PHACTR2: variants seen among roughly 807,000 people sequenced by gnomAD.
PHACTR2 encodes the protein phosphatase and actin regulator 2, also known as chromosome 6 open reading frame 56.
A neutral mutation model predicts 76.0 loss-of-function variants in PHACTR2; 30 were observed. The ratio of observed to expected loss-of-function variants is 0.39; its 90% confidence interval spans 0.30 to 0.54. PHACTR2 has a LOEUF of 0.54. PHACTR2 is among the 20% of genes least tolerant of loss of function. The pLI is 0.61. For missense variants in PHACTR2, 696 were observed against 781.1 expected (o/e 0.89, Z 1.30); for synonymous variants, 292 against 292.5 (o/e 1.00, Z 0.02).
intron 1 of PHACTR2, among the ~76,000 whole-genome samples, chr6:143,565,806 A>G (rs1292449631): frequency 1.3e-5 from 2 of 152,026 alleles, no homozygotes; most frequent in Admixed American, 6.6e-5. Context: ...ATCTGGGCCT[A>G]TGGTTGCTGC....
chr6:143,674,142 C>T (rs141522188), upstream of PHACTR2, among the ~76,000 whole-genome samples: 1 of 152,074 alleles, frequency 6.6e-6, no homozygotes, highest in Non-Finnish European at 1.5e-5. This position sits in a 1 kb window ranked among gnomAD's most constrained non-coding sequence, Gnocchi z 4.9. Context: ...GCAACTTTAC[C>T]ATAGAGTAAC....
chr6:143,567,003 G>A (rs566554651), intron 1 of PHACTR2, among the ~76,000 whole-genome samples: 13 of 152,158 alleles, frequency 8.5e-5, no homozygotes, highest in South Asian at 6.2e-4. Flanking sequence ...CTTTTGAAGC[G>A]TCTCTGTAGA....
chr6:143,741,391 G>A (rs986170297), intron 2 of PHACTR2, among the ~76,000 whole-genome samples: 3 of 152,196 alleles, frequency 2.0e-5, no homozygotes, highest in African/African-American at 7.2e-5. Flanking sequence ...TACTCAGTAG[G>A]CTGAGGCAGG....
upstream of PHACTR2, among the ~76,000 whole-genome samples, chr6:143,603,990 C>A (rs1209200203): frequency 1.3e-5 from 2 of 151,306 alleles, no homozygotes; most frequent in South Asian, 2.1e-4. Flanking sequence ...CCCCAGCTAT[C>A]CAGGAACTGA....
In PHACTR2 at chr6:143,754,118, G is replaced by T; in HGVS notation, c.454+206G>T. On this transcript the variant is annotated intron_variant, in intron 4 of 12. Transcript: ENST00000440869. This position sits in a 1 kb window ranked among gnomAD's most constrained non-coding sequence, Gnocchi z 6.2. ...CATCCATTTTATAAGCACAGTATTT[G>T]TTTTTTCAATTATTAAAAATGTTAA... 1 of 352,842 alleles carries T rather than the reference G, an allele frequency of 2.8e-6. No homozygotes were observed. The highest frequency in any genetic ancestry group is 4.4e-5 in the Admixed American group (1 of 22,554). 21.9% of individuals were successfully genotyped at this position (352,842 alleles called of 1,614,324 possible).
intron 11 of PHACTR2, among the ~76,000 whole-genome samples, chr6:143,804,249 T>C (rs1313030804): frequency 6.6e-6 from 1 of 152,208 alleles, no homozygotes; most frequent in Admixed American, 6.5e-5. Flanking sequence ...TTGGCCTCTC[T>C]CTCTCTATCT....
chr6:143,757,763 A>G lies in PHACTR2; in HGVS notation c.455-2638A>G, dbSNP rs183003464. Among the ~76,000 whole-genome samples the G allele has an allele frequency of 2.0e-5, 3 of 152,258 alleles. No homozygotes were observed. Among genetic ancestry groups the G allele is most frequent in the South Asian group, 4.1e-4 (2 of 4,822 alleles). ...CATAATTCATTACCTCCCAGCTCCA[A>G]CTAAAGCTCTGTTTTCTACTGATGT... is the stretch of plus-strand genomic sequence containing the variant. On this transcript the variant is annotated intron_variant, in intron 4 of 12. Transcript: ENST00000440869. The surrounding 1 kb of genome is among the most constrained non-coding windows in gnomAD (Gnocchi z 4.2).
chr6:143,779,556 G>T (rs762980766), intron 9 of PHACTR2, among the ~76,000 whole-genome samples: 1 of 151,970 alleles, frequency 6.6e-6, no homozygotes, highest in Non-Finnish European at 1.5e-5. Context: ...TGCTATGTTG[G>T]CCAGGCTGGT....
In PHACTR2 at chr6:143,795,986, GA is replaced by G. The variant is rs1775812209; in HGVS notation, c.1845+7077del. On this transcript the variant is annotated intron_variant, in intron 11 of 12. Transcript: ENST00000440869. This position sits in a 1 kb window ranked among gnomAD's most constrained non-coding sequence, Gnocchi z 4.8. ...AAGAGAGTGTAGAATTTTTTCAGATGAGATGTGCTTTTGTCCAACAGGTCAC... is the reference window on the plus strand; with the variant it reads ...AAGAGAGTGTAGAATTTTTTCAGATGGATGTGCTTTTGTCCAACAGGTCAC... Among the ~76,000 whole-genome samples, 1 of 152,110 alleles carries G rather than the reference GA, an allele frequency of 6.6e-6. No individual in the cohort carries two copies. Among genetic ancestry groups the G allele is most frequent in the Non-Finnish European group, 1.5e-5 (1 of 68,014 alleles).
At position 143,659,443 on chromosome 6, in the gene PHACTR2, G is replaced by A. The variant is rs146024002; in HGVS notation, c.13+51121G>A. Among the ~76,000 whole-genome samples the A allele has an allele frequency of 1.6e-4, 24 of 152,312 alleles. No individual in the cohort carries two copies. Among genetic ancestry groups the A allele is most frequent in the African/African-American group, 4.3e-4 (18 of 41,576 alleles). Reference sequence around the variant, plus strand: ...GTCGTCTCATCCAAGGCTTGACTGAGGAAGGATACACCTGGAAGTGCATGT... The same window carrying A: ...GTCGTCTCATCCAAGGCTTGACTGAAGAAGGATACACCTGGAAGTGCATGT... On this transcript the variant is annotated intron_variant, in intron 1 of 11. Coordinates refer to the PHACTR2 transcript ENST00000305766. The surrounding 1 kb of genome is among the most constrained non-coding windows in gnomAD (Gnocchi z 5.0).
rs902246673 is a variant in PHACTR2 at position 143,595,282 on chromosome 6, A to C, written c.217+58075A>C. 1.3e-5 allele frequency among the ~76,000 whole-genome samples: 2 copies of C among 152,376 alleles called. No individual in the cohort carries two copies. Among genetic ancestry groups the C allele is most frequent in the African/African-American group, 4.8e-5 (2 of 41,588 alleles). The stretch of plus-strand genomic sequence containing the variant: ...TAAAGGCTAATTAGGTAAAGGGAGA[A>C]GTGTACATGACAGGTTTCTGATTTT... On this transcript the variant is annotated intron_variant, in intron 1 of 11. Coordinates refer to the PHACTR2 transcript ENST00000367584. The surrounding 1 kb of genome is among the most constrained non-coding windows in gnomAD (Gnocchi z 4.2).
intron 12 of PHACTR2, chr6:143,810,638 T>C: frequency 2.4e-6 from 1 of 425,228 alleles, no homozygotes; most frequent in Non-Finnish European, 4.7e-6. Context: ...TCTACCAGCC[T>C]GGTCAACATA....
rs910376301 is a variant in PHACTR2 at position 143,624,827 on chromosome 6, T to A, written c.13+16505T>A. 2.0e-5 allele frequency among the ~76,000 whole-genome samples: 3 copies of A among 151,916 alleles called. No individual in the cohort carries two copies. Among genetic ancestry groups the A allele is most frequent in the Non-Finnish European group, 2.9e-5 (2 of 68,002 alleles). The stretch of plus-strand genomic sequence containing the variant: ...TACAAGCTGAGTACAGTGTCAGATA[T>A]CAGAGATGGAGACCACAGCAAAGAG... On this transcript the variant is annotated intron_variant, in intron 1 of 11. Transcript: ENST00000305766. The surrounding 1 kb of genome is among the most constrained non-coding windows in gnomAD (Gnocchi z 4.6).
chr6:143,737,240 A>T (rs1228253508), intron 2 of PHACTR2, among the ~76,000 whole-genome samples: 1 of 151,328 alleles, frequency 6.6e-6, no homozygotes, highest in East Asian at 1.9e-4. Context: ...AATTATATAT[A>T]TTATATATAT....
intron 1 of PHACTR2, among the ~76,000 whole-genome samples, chr6:143,584,980 TAAA>T (rs34747367): frequency 0.015 from 2,101 of 138,482 alleles, 62 homozygotes; most frequent in African/African-American, 0.052. Context: ...CTACCCAGAT[TAAA>T]AAAAAAAAAA....
In PHACTR2 at chr6:143,585,055, G is replaced by A. The variant is rs1448637837; in HGVS notation, c.217+47848G>A. Among the ~76,000 whole-genome samples the A allele has an allele frequency of 6.6e-6, 1 of 151,850 alleles. No individual in the cohort carries two copies. Reference sequence around the variant, plus strand: ...CTTGGCTGTCATAACTCAAGTTGTTGGGGGACACATGACTATTTAAGCAGC... The same window carrying A: ...CTTGGCTGTCATAACTCAAGTTGTTAGGGGACACATGACTATTTAAGCAGC... On this transcript the variant is annotated intron_variant, in intron 1 of 11. Transcript: ENST00000367584. This position sits in a 1 kb window ranked among gnomAD's most constrained non-coding sequence, Gnocchi z 5.2.
rs752066399 is a variant in PHACTR2, at chr6:143,772,424, G to A, written c.1399G>A (p.Asp467Asn). The A allele has an allele frequency of 4.3e-6, 7 of 1,613,978 alleles. No individual in the cohort carries two copies. In the East Asian group the frequency reaches 1.3e-4, roughly 31 times the overall value. ...DGPILYTDDEDEDEDEDGSGE... is the reference protein window; with the variant it reads ...DGPILYTDDENEDEDEDGSGE... ...GCCTATCTTGTACACCGATGATGAG[G>A]ACGAAGACGAAGATGAGGATGGCAG... Residue 467 changes from aspartate to asparagine, a missense_variant, in exon 7 of 13, where the codon GAC becomes AAC. By Grantham distance (23) the Asp-to-Asn change is conservative. Around this residue, in one of 2 missense-constraint regions of PHACTR2, gnomAD observed 236 missense variants for 330.2 expected, o/e 0.71. Coordinates refer to ENST00000440869, the MANE Select transcript of PHACTR2 (RefSeq NM_001100164.2). This position sits in a 1 kb window ranked among gnomAD's most constrained non-coding sequence, Gnocchi z 5.4.
rs867848871 is a variant in PHACTR2 at position 143,757,413 on chromosome 6, A to G, written c.455-2988A>G. On this transcript the variant is annotated intron_variant, in intron 4 of 12. Transcript: ENST00000440869. The surrounding 1 kb of genome is among the most constrained non-coding windows in gnomAD (Gnocchi z 4.2). The stretch of plus-strand genomic sequence containing the variant: ...GAAGATATTTATGAACTAAGACATG[A>G]AGGAAACAAGAAGGAGGTCATCAAG... Among the ~76,000 whole-genome samples, 4 of 152,228 alleles carry G rather than the reference A, an allele frequency of 2.6e-5. No individual in the cohort carries two copies. Among genetic ancestry groups the G allele is most frequent in the Admixed American group, 6.5e-5 (1 of 15,288 alleles).
intron 1 of PHACTR2, among the ~76,000 whole-genome samples, chr6:143,681,849 T>C (rs1562268226): frequency 6.6e-6 from 1 of 152,250 alleles, no homozygotes; most frequent in African/African-American, 2.4e-5. Flanking sequence ...CTTTCCCCAT[T>C]GAATGGTGTT....
Sources: allele counts gnomAD v4.1 joint callset (sites outside exome capture counted in the v4.1 genomes callset), GRCh38; gene constraint gnomAD v4.1.1; regional missense constraint gnomAD v4.1.1; non-coding constraint Gnocchi (gnomAD v3.1); transcripts MANE v1.5; gene names NCBI Gene and HGNC (gene_info 2026-07-23, HGNC 2026-07-21).